Variants in SYT1 observed in about 807,000 individuals in gnomAD.
The protein encoded by SYT1 is synaptotagmin 1.
A neutral mutation model predicts 44.8 loss-of-function variants in SYT1; 8 were observed. That is an observed-to-expected ratio of 0.18 (90% CI 0.10 to 0.32). The LOEUF is 0.32. Ranked by LOEUF, SYT1 falls within the 10% of genes least tolerant of loss-of-function variation. The pLI, the probability that SYT1 is intolerant of heterozygous loss-of-function variation, is 1.00. For synonymous variants in SYT1, 154 were observed against 188.8 expected, an observed-to-expected ratio of 0.82 and a Z score of 1.51; for missense variants, 286 against 509.3, an observed-to-expected ratio of 0.56 and a Z score of 4.22.
rs901199409 is a variant in SYT1 at position 79,451,979 on chromosome 12, A to G, written c.*2855A>G. 30 of 152,212 alleles carry G rather than the reference A, an allele frequency of 2.0e-4. No homozygotes were observed. The highest frequency in any genetic ancestry group is 4.6e-4 in the Admixed American group (7 of 15,276). 9.4% of individuals were successfully genotyped at this position (152,212 alleles called of 1,614,324 possible). On this transcript the variant is annotated 3_prime_UTR_variant, in exon 11 of 11. Transcript: ENST00000261205. ...AAATGACTTAACATATTACACAGATATTCAATAAAAATGTTTTATTTCCTG... is the reference window on the plus strand; with the variant it reads ...AAATGACTTAACATATTACACAGATGTTCAATAAAAATGTTTTATTTCCTG...
At chr12:79,426,010 T>G (rs1163033709) in intron 9 of SYT1, among the ~76,000 whole-genome samples, 1 of 152,006 alleles carries the variant, frequency 6.6e-6, no homozygotes, top group Admixed American at 6.6e-5. Flanking sequence ...ACTCTCCCTC[T>G]AAAGTGGCCT....
At chr12:79,250,878 T>G (rs1877169396) in intron 4 of SYT1, among the ~76,000 whole-genome samples, 1 of 152,180 alleles carries the variant, frequency 6.6e-6, no homozygotes, top group Non-Finnish European at 1.5e-5. Flanking sequence ...TTCTTCAGGT[T>G]TTAACATCTC....
At chr12:79,420,586 CAAG>C (rs1203922693) in intron 9 of SYT1, among the ~76,000 whole-genome samples, 1 of 152,044 alleles carries the variant, frequency 6.6e-6, no homozygotes, top group African/African-American at 2.4e-5. Flanking sequence ...TGTCCTCTGA[CAAG>C]GAGGAGGTAG....
At chr12:78,902,734 GCA>G (rs1875733535) in intron 1 of SYT1, among the ~76,000 whole-genome samples, 1 of 152,038 alleles carries the variant, frequency 6.6e-6, no homozygotes, top group Non-Finnish European at 1.5e-5. Flanking sequence ...TGATGTGGGT[GCA>G]CACACATTAA....
At chr12:79,057,385 G>T (rs538006196) in intron 3 of SYT1, among the ~76,000 whole-genome samples, 37 of 151,814 alleles carry the variant, frequency 2.4e-4, no homozygotes, top group African/African-American at 8.5e-4. Flanking sequence ...AAAATACATT[G>T]GTTTCTAACT....
intron 6 of SYT1, among the ~76,000 whole-genome samples, chr12:79,292,921 TTGA>T (rs1879658648): frequency 6.6e-6 from 1 of 152,050 alleles, no homozygotes; most frequent in African/African-American, 2.4e-5. Context: ...ATCCACAACG[TTGA>T]TGAAAATGTT....
chr12:79,084,567 G>A (rs1361990887), intron 3 of SYT1, among the ~76,000 whole-genome samples: 1 of 151,990 alleles, frequency 6.6e-6, no homozygotes, highest in Non-Finnish European at 1.5e-5. Flanking sequence ...TATTCACACT[G>A]GACTTGCAGA....
intron 4 of SYT1, among the ~76,000 whole-genome samples, chr12:79,232,489 A>G (rs1271300460): frequency 6.6e-6 from 1 of 152,052 alleles, no homozygotes; most frequent in African/African-American, 2.4e-5. Flanking sequence ...CTTTATACAA[A>G]TTGTCTCCTC....
chr12:79,020,774 T>C (rs899687732), intron 2 of SYT1, among the ~76,000 whole-genome samples: 6 of 151,896 alleles, frequency 4.0e-5, no homozygotes, highest in Non-Finnish European at 8.8e-5. Context: ...TTAAATAGCA[T>C]TTACTCTATG....
Position 79,450,375 on chromosome 12 carries a change from T to TTTTAC in SYT1, c.*1254_*1258dup, listed in dbSNP as rs1392329475. ...AGCTAGTGATCTTTTTATATGCTCTTTTTACTTAAGTTTTAATTTGTCCTT... is the reference window on the plus strand; with the variant it reads ...AGCTAGTGATCTTTTTATATGCTCTTTTTACTTTACTTAAGTTTTAATTTGTCCTT... On this transcript the variant is annotated 3_prime_UTR_variant, in exon 11 of 11. Coordinates refer to ENST00000261205, the MANE Select transcript of SYT1 (RefSeq NM_005639.3). 1 of 152,576 alleles carries TTTTAC rather than the reference T, an allele frequency of 6.6e-6. No individual in the cohort carries two copies. The highest frequency in any genetic ancestry group is 1.5e-5 in the Non-Finnish European group (1 of 68,020). 9.5% of individuals were successfully genotyped at this position (152,576 alleles called of 1,614,324 possible).
chr12:79,381,724 C>T (rs936634451), intron 9 of SYT1, among the ~76,000 whole-genome samples: 1 of 152,088 alleles, frequency 6.6e-6, no homozygotes, highest in African/African-American at 2.4e-5. Context: ...CTACAAATTG[C>T]GTGGAAGCAA....
At chr12:79,361,759 T>C (rs535219683) in intron 9 of SYT1, among the ~76,000 whole-genome samples, 4 of 152,192 alleles carry the variant, frequency 2.6e-5, no homozygotes, top group Non-Finnish European at 5.9e-5. Flanking sequence ...AACAGTGACA[T>C]TTCAGCTGTA....
chr12:78,949,723 A>G (rs985270579), intron 1 of SYT1, among the ~76,000 whole-genome samples: 1 of 152,018 alleles, frequency 6.6e-6, no homozygotes, highest in South Asian at 2.1e-4. Flanking sequence ...AGATTTTCAA[A>G]TCTCTCATTT....
chr12:79,049,962 G>A (rs1218169951), intron 3 of SYT1, among the ~76,000 whole-genome samples: 2 of 151,840 alleles, frequency 1.3e-5, no homozygotes, highest in Non-Finnish European at 2.9e-5. Flanking sequence ...TTTCTTATAA[G>A]AATAGAAAAA....
chr12:79,255,250 C>G (rs1348117901), intron 4 of SYT1, among the ~76,000 whole-genome samples: 2 of 152,174 alleles, frequency 1.3e-5, no homozygotes, highest in African/African-American at 4.8e-5. Flanking sequence ...ATCCATCAGC[C>G]TTCAACACAG....
chr12:79,095,525 A>G (rs1878067825), intron 3 of SYT1, among the ~76,000 whole-genome samples: 1 of 151,886 alleles, frequency 6.6e-6, no homozygotes, highest in Admixed American at 6.6e-5. Context: ...ATTTATTACA[A>G]AAGTGATTCA....
chr12:79,276,843 C>T (rs1055075035), intron 4 of SYT1, among the ~76,000 whole-genome samples: 2 of 150,648 alleles, frequency 1.3e-5, no homozygotes, highest in African/African-American at 4.9e-5. Flanking sequence ...ATAACAAAAA[C>T]AAAAAGAAAT....
intron 1 of SYT1, among the ~76,000 whole-genome samples, chr12:78,923,399 C>T (rs966300360): frequency 5.9e-5 from 9 of 151,866 alleles, no homozygotes; most frequent in Non-Finnish European, 1.0e-4. Context: ...TCTCCCATAG[C>T]TGTAGGCTGA....
intron 1 of SYT1, among the ~76,000 whole-genome samples, chr12:78,966,749 C>A (rs1338472578): frequency 2.0e-5 from 3 of 152,088 alleles, no homozygotes; most frequent in Non-Finnish European, 4.4e-5. Context: ...GGAGAAAGCA[C>A]TTATTCCTTC....
Sources: allele counts gnomAD v4.1 joint callset (sites outside exome capture counted in the v4.1 genomes callset), GRCh38; gene constraint gnomAD v4.1.1; transcripts MANE v1.5; gene names NCBI Gene and HGNC (gene_info 2026-07-23, HGNC 2026-07-21).